The following ATP13A2 variants were observed in gnomAD, a reference collection of about 807,000 sequenced individuals.
ATP13A2 encodes ATPase cation transporting 13A2.
In ATP13A2, 83 loss-of-function variants were observed where a neutral mutation model predicts 138.3. The ratio of observed to expected loss-of-function variants is 0.60; its 90% CI spans 0.50 to 0.72. ATP13A2 has a LOEUF of 0.72. ATP13A2 is among the 30% of genes least tolerant of loss of function. The probability of loss-of-function intolerance (pLI) is 0.00; values close to 1 mark genes in which losing one functional copy is unlikely to be tolerated. For synonymous variants in ATP13A2, 663 were observed against 699.0 expected (o/e 0.95, Z 0.81); for missense variants, 1,402 against 1,606.4 (o/e 0.87, Z 2.17).
In ATP13A2 at chr1:16,989,938, G is replaced by C. The variant is rs147611385; in HGVS notation, c.2478C>G (p.Ser826Arg). The change falls in exon 22 of 29, where the codon AGC (serine) becomes AGG (arginine). Residue 826 changes from serine (S) to arginine (R), a missense_variant. By Grantham distance (110) the Ser-to-Arg change is moderately radical. Coordinates refer to ENST00000326735, the MANE Select transcript of ATP13A2 (RefSeq NM_022089.4). ...TCACAATGATACCAAAGGTGGGCCC[G>C]CTGAGGGCCAGGTGCCTGGATCGGG... ...PDPRSRHLALSGPTFGIIVKH... is the reference protein window; with the variant it reads ...PDPRSRHLALRGPTFGIIVKH... The C allele has an allele frequency of 6.2e-7, 1 of 1,601,568 alleles. No homozygotes were observed. The highest frequency in any genetic ancestry group is 8.5e-7 in the Non-Finnish European group (1 of 1,174,004).
chr1:17,003,115 G>A (rs142760391), intron 6 of ATP13A2, among the ~76,000 whole-genome samples: 70 of 152,258 alleles, frequency 4.6e-4, no homozygotes, highest in Admixed American at 8.5e-4. Context: ...ATCCCCAGGC[G>A]ACTGAAGTCC....
Position 16,986,525 on chromosome 1 carries a change from C to T in ATP13A2, c.3343G>A (p.Gly1115Ser), listed in dbSNP as rs145674970. The T allele has an allele frequency of 8.7e-6, 14 of 1,612,594 alleles. No homozygotes were observed. The highest frequency in any genetic ancestry group is 1.7e-5 in the Admixed American group (1 of 59,992). The change falls in exon 28 of 29, where the codon GGC (glycine) becomes AGC (serine). Residue 1115 changes from glycine (G) to serine (S), a missense_variant. Physicochemically the swap from Gly to Ser is moderately conservative, Grantham distance 56. Transcript: ENST00000326735. This position sits in a 1 kb window ranked among gnomAD's most constrained non-coding sequence, Gnocchi z 6.9. ...PLALRNITDT[G>S]FKLLLLGLVT... The stretch of plus-strand genomic sequence containing the variant: ...AGACCCAGCAGCAGCAGCTTGAAGC[C>T]GGTGTCAGTGATGTTCCTCAGCGCC...
At position 17,000,242 on chromosome 1, in the gene ATP13A2, T is replaced by G; in HGVS notation, c.907+4A>C. The G allele has an allele frequency of 8.1e-7, 1 of 1,242,130 alleles. No individual in the cohort carries two copies. The highest frequency in any genetic ancestry group is 1.0e-6 in the Non-Finnish European group (1 of 975,618). The allele number at this position is 1,242,130 out of a possible 1,614,324, so 76.9% of individuals were successfully genotyped here. A position where few individuals can be genotyped will look rare whatever the true frequency, so the allele number is the denominator to read the frequency against. On this transcript the variant is annotated splice_donor_region_variant and intron_variant, in intron 10 of 28. Transcript: ENST00000326735. ...CCCCCGCCCCCTGGGCCCTAGCTCC[T>G]CACCTCCCCCTGGCCGGCACACGCA...
At chr1:16,990,669 C>T (rs1248566667) in intron 20 of ATP13A2, among the ~76,000 whole-genome samples, 2 of 150,324 alleles carry the variant, frequency 1.3e-5, no homozygotes, top group African/African-American at 2.4e-5. Flanking sequence ...CAGGAGGGTG[C>T]GACCACACCA....
In ATP13A2 at chr1:16,991,844, C is replaced by T. The variant is rs749912497; in HGVS notation, c.2141G>A (p.Gly714Glu). The change falls in exon 20 of 29, where the codon GGA becomes GAA. Residue 714 changes from glycine (G) to glutamate (E), a missense_variant. Physicochemically the swap from Gly to Glu is moderately conservative, Grantham distance 98 (BLOSUM62 -2). Transcript: ENST00000326735. ...AQQLTRDTVEGDLSLLGLLVM... is the reference protein window; with the variant it reads ...AQQLTRDTVEEDLSLLGLLVM... ...CAGCAGCCCCAGGAGGCTCAGGTCT[C>T]CTTCCACAGTGTCCCTGGAGGGTGG... 4 of 1,614,110 alleles carry T rather than the reference C, an allele frequency of 2.5e-6. No individual in the cohort carries two copies. The South Asian group carries it at 4.4e-5, about 18-fold the overall frequency.
chr1:16,991,570 T>C lies in ATP13A2; in HGVS notation c.2251+164A>G, dbSNP rs2076604. Among the ~76,000 whole-genome samples the C allele has an allele frequency of 0.21, 32,220 of 152,114 alleles. 4,025 individuals are homozygous for C. Among genetic ancestry groups the C allele is most frequent in the East Asian group, 0.57 (2,931 of 5,176 alleles). ...GTCAAACAGGGGTGACAATTACCAC[T>C]TGCGGGGGGGATATTGTGAAGATTC... On this transcript the variant is annotated intron_variant, in intron 20 of 28. Transcript: ENST00000326735.
Position 16,996,501 on chromosome 1 carries a change from G to A in ATP13A2, c.1196-5C>T, listed in dbSNP as rs1230860501. The A allele has an allele frequency of 1.2e-5, 20 of 1,613,346 alleles. No individual in the cohort carries two copies. The highest frequency in any genetic ancestry group is 1.7e-5 in the Non-Finnish European group (20 of 1,179,556). On this transcript the variant is annotated splice_polypyrimidine_tract_variant and splice_region_variant and intron_variant, in intron 12 of 28. Coordinates refer to ENST00000326735, the MANE Select transcript of ATP13A2 (RefSeq NM_022089.4). ...CCCCTTTTGCCGTGCAGAACCCTGG[G>A]GAGGAGGCGGGGACCCCAAGGCAGG... is the stretch of plus-strand genomic sequence containing the variant.
chr1:17,009,181 C>T (rs2077682234), intron 1 of ATP13A2, among the ~76,000 whole-genome samples: 1 of 152,106 alleles, frequency 6.6e-6, no homozygotes, highest in Non-Finnish European at 1.5e-5. Flanking sequence ...TCCTCTCTGC[C>T]CAGCACATCT....
rs781304413 is a variant in ATP13A2, at chr1:16,997,025, C to T, written c.1190G>A (p.Arg397His). The T allele has an allele frequency of 2.8e-5, 45 of 1,611,882 alleles. No individual in the cohort carries two copies. The highest frequency in any genetic ancestry group is 6.7e-5 in the African/African-American group (5 of 74,996). The change falls in exon 12 of 29, where the codon CGC (arginine) becomes CAC (histidine). Residue 397 changes from arginine (R) to histidine (H), a missense_variant. By Grantham distance (29) the Arg-to-His change is conservative. Transcript: ENST00000326735. ...VGPHVLAVVT[R>H]TGFCTAKGGL... is the part of the protein sequence containing the mutation. ...CCCAGCCTCCCGGCTCATACCTGTGCGGGTCACCACTGCCAGGACGTGCGG... is the reference window on the plus strand; with the variant it reads ...CCCAGCCTCCCGGCTCATACCTGTGTGGGTCACCACTGCCAGGACGTGCGG...
In ATP13A2 at chr1:16,996,766, C is replaced by T. The variant is rs1345629372; in HGVS notation, c.1195+254G>A. 135 of 626,488 alleles carry T rather than the reference C, an allele frequency of 2.2e-4. 3 individuals are homozygous for T. In the South Asian group the frequency reaches 2.2e-3, roughly 10 times the overall value. The allele number at this position is 626,488 out of a possible 1,614,324, so 38.8% of individuals were successfully genotyped here. ...AAGGCTCCTGCCTGCCCGCTACATCCCTGCCCGCTCCAGCACTGTAACCCC... is the reference window on the plus strand; with the variant it reads ...AAGGCTCCTGCCTGCCCGCTACATCTCTGCCCGCTCCAGCACTGTAACCCC... On this transcript the variant is annotated intron_variant, in intron 12 of 28. Coordinates refer to ENST00000326735, the MANE Select transcript of ATP13A2 (RefSeq NM_022089.4).
intron 16 of ATP13A2, among the ~76,000 whole-genome samples, 181 bp downstream of exon 16, chr1:16,993,448 C>T (rs1020731085): frequency 1.3e-5 from 2 of 152,176 alleles, no homozygotes; most frequent in African/African-American, 4.8e-5. Flanking sequence ...GTGATCCTCC[C>T]GTCTTGGCCT....
rs1570888426 is a variant in ATP13A2 at position 17,004,475 on chromosome 1, T to C, written c.478-64A>G. ...CCCGGCCCCAGAAGCAGTGTGCTTATGCTGGGAGCCGAGGGATGGGGGTAG... is the reference window on the plus strand; with the variant it reads ...CCCGGCCCCAGAAGCAGTGTGCTTACGCTGGGAGCCGAGGGATGGGGGTAG... On this transcript the variant is annotated intron_variant, in intron 5 of 28. Transcript: ENST00000326735. The surrounding 1 kb of genome is among the most constrained non-coding windows in gnomAD (Gnocchi z 4.1). 7 of 1,590,826 alleles carry C rather than the reference T, an allele frequency of 4.4e-6. No individual in the cohort carries two copies. The highest frequency in any genetic ancestry group is 1.7e-4 in the Middle Eastern group (1 of 5,996).
chr1:17,007,561 T>G (rs2077605810), intron 1 of ATP13A2, among the ~76,000 whole-genome samples: 1 of 148,368 alleles, frequency 6.7e-6, no homozygotes, highest in Admixed American at 6.7e-5. Context: ...TTTTTTTTTT[T>G]TTTTTTTTGA....
intron 11 of ATP13A2, among the ~76,000 whole-genome samples, chr1:16,998,363 C>T (rs2077221819): frequency 6.6e-6 from 1 of 152,116 alleles, no homozygotes; most frequent in African/African-American, 2.4e-5. Flanking sequence ...CACCACTACA[C>T]CTGGCTAATT....
chr1:16,995,743 GC>G lies in ATP13A2; in HGVS notation c.1542+232del, dbSNP rs112882794. On this transcript the variant is annotated intron_variant, in intron 15 of 28. Coordinates refer to ENST00000326735, the MANE Select transcript of ATP13A2 (RefSeq NM_022089.4). This position sits in a 1 kb window ranked among gnomAD's most constrained non-coding sequence, Gnocchi z 4.1. The stretch of plus-strand genomic sequence containing the variant: ...TTACAGACGTGAGCCACCGCGCCCG[GC>G]CCCCCACCAGTTCTTGAACACATGA... The G allele has an allele frequency of 1.7e-5, 11 of 640,150 alleles. No individual in the cohort carries two copies. Among genetic ancestry groups the G allele is most frequent in the African/African-American group, 1.1e-4 (6 of 56,026 alleles). 39.7% of individuals were successfully genotyped at this position (640,150 alleles called of 1,614,324 possible). A position where few individuals can be genotyped will look rare whatever the true frequency, so the allele number is the denominator to read the frequency against.
Position 17,000,099 on chromosome 1 carries a change from G to A in ATP13A2, c.951C>T (p.Cys317=), listed in dbSNP as rs148391179. ...GCCCACCCTCCTGGGGCAGCACCAG[G>A]CAGTCTCCGGGCACTAGCTCACTGG... The part of the protein sequence containing the change: ...VDSSELVPGD[C]LVLPQEGGLM... Residue 317 remains cysteine (C), a synonymous_variant, in exon 11 of 29, where the codon TGC becomes TGT. Transcript: ENST00000326735. The A allele has an allele frequency of 7.2e-4, 1,160 of 1,613,386 alleles. 3 individuals carry two copies. The highest frequency in any genetic ancestry group is 7.4e-4 in the Non-Finnish European group (868 of 1,180,012).
Position 17,011,622 on chromosome 1 carries a change from G to T in ATP13A2, c.10+107C>A. On this transcript the variant is annotated intron_variant, in intron 1 of 28. Coordinates refer to ENST00000326735, the MANE Select transcript of ATP13A2 (RefSeq NM_022089.4). The surrounding 1 kb of genome is among the most constrained non-coding windows in gnomAD (Gnocchi z 7.3). ...ACCAGGTCCCGCTTCCTGGGCTCGC[G>T]ACCCCGCGGTGGGGGGCGTCGCCTC... The T allele has an allele frequency of 1.5e-6, 2 of 1,351,022 alleles. No individual in the cohort carries two copies. The highest frequency in any genetic ancestry group is 3.1e-5 in the South Asian group (2 of 64,832). 83.7% of individuals were successfully genotyped at this position (1,351,022 alleles called of 1,614,324 possible).
chr1:17,000,194 G>GTCCC, intron 10 of ATP13A2, 52 bp from the exon 11 acceptor site: 44 of 1,570,242 alleles, frequency 2.8e-5, no homozygotes, highest in South Asian at 1.8e-4. Context: ...CCCCAGCCAT[G>GTCCC]CCCCCCCACC....
At chr1:17,001,998 A>T (rs1218470526) in intron 8 of ATP13A2, 36 bp downstream of exon 8, 2 of 1,592,078 alleles carry the variant, frequency 1.3e-6, no homozygotes, top group South Asian at 2.3e-5. Context: ...ACAGCACGCC[A>T]GGCAGGGCTG....
Sources: allele counts gnomAD v4.1 joint callset (sites outside exome capture counted in the v4.1 genomes callset), GRCh38; gene constraint gnomAD v4.1.1; non-coding constraint Gnocchi (gnomAD v3.1); transcripts MANE v1.5; gene names NCBI Gene and HGNC (gene_info 2026-07-23, HGNC 2026-07-21).